SBF2: variants seen among roughly 807,000 people sequenced by gnomAD.
SBF2 encodes myotubularin-related protein 13.
A neutral mutation model predicts 225.2 loss-of-function variants in SBF2; 112 were observed. The ratio of observed to expected loss-of-function variants is 0.50; its 90% confidence interval spans 0.43 to 0.58. The LOEUF is 0.58. Ranked by LOEUF, SBF2 falls within the 20% of genes least tolerant of loss-of-function variation. SBF2 has a pLI of 0.00. For missense variants in SBF2, 1,996 were observed against 2,206.2 expected, an observed-to-expected ratio of 0.90 and a Z score of 1.91; for synonymous variants, 763 against 773.3, an observed-to-expected ratio of 0.99 and a Z score of 0.22.
At chr11:10,060,322 T>C (rs1223712386) in intron 2 of SBF2, among the ~76,000 whole-genome samples, 2 of 152,086 alleles carry the variant, frequency 1.3e-5, no homozygotes, top group African/African-American at 4.8e-5. Flanking sequence ...CTCCCAAGAC[T>C]AAGCCAGGAA....
intron 3 of SBF2, among the ~76,000 whole-genome samples, chr11:10,038,824 T>C (rs764023306): frequency 1.1e-4 from 17 of 151,830 alleles, no homozygotes; most frequent in Non-Finnish European, 1.9e-4. Context: ...TATATAAACA[T>C]ATGAAATAAC....
chr11:10,193,976 C>G lies in SBF2; in HGVS notation c.67G>C (p.Gly23Arg). 1 of 1,608,624 alleles carries G rather than the reference C, an allele frequency of 6.2e-7. No individual in the cohort carries two copies. The highest frequency in any genetic ancestry group is 8.5e-7 in the Non-Finnish European group (1 of 1,175,102). ...YDHEKPGSGE[G>R]LGKIIQRFPQ... ...AATCTCTGGATTATTTTCCCCAGAC[C>G]TTCTCCTGATCCTGTTAATAAAATC... The change falls in exon 2 of 40, where the codon GGT (glycine) becomes CGT (arginine). Residue 23 changes from glycine to arginine, a missense_variant. Coordinates refer to ENST00000256190, the MANE Select transcript of SBF2 (RefSeq NM_030962.4).
Position 9,994,394 on chromosome 11 carries a change from G to A in SBF2, c.976-396C>T, listed in dbSNP as rs1947583112. On this transcript the variant is annotated intron_variant, in intron 9 of 39. Transcript: ENST00000256190. ...GGAGGCTGAGGCAGGAGAATGGCGT[G>A]AACCCGGGAGGCGGAGCTTGCAGTG... 3.3e-5 allele frequency among the ~76,000 whole-genome samples: 5 copies of A among 151,020 alleles called. No homozygotes were observed. In the South Asian group the frequency reaches 1.0e-3, roughly 31 times the overall value.
chr11:10,119,258 C>T (rs557635151), intron 2 of SBF2, among the ~76,000 whole-genome samples: 12 of 152,082 alleles, frequency 7.9e-5, no homozygotes, highest in African/African-American at 2.4e-4. Flanking sequence ...CTTCCTGTTC[C>T]GCTTGTTTTT....
chr11:10,096,170 G>C (rs1952011384), intron 2 of SBF2, among the ~76,000 whole-genome samples: 1 of 152,184 alleles, frequency 6.6e-6, no homozygotes, highest in South Asian at 2.1e-4. Context: ...TGGCTAAATA[G>C]ATGCTAGAGG....
rs35385980 is a variant in SBF2 at position 10,303,752 on chromosome 11, A to C, written n.386+740T>G. ...AGGACATTCGATTAGAGGAGTGGTT[A>C]GTAGGACCCCAGAAACCCACAAGCA... On this transcript the variant is annotated intron_variant and non_coding_transcript_variant, in intron 1 of 5. Coordinates refer to the SBF2 transcript ENST00000685217. The surrounding 1 kb of genome is among the most constrained non-coding windows in gnomAD (Gnocchi z 5.2). The C allele has an allele frequency of 1.3e-5, 2 of 152,386 alleles. No individual in the cohort carries two copies. Among genetic ancestry groups the C allele is most frequent in the Non-Finnish European group, 2.9e-5 (2 of 68,088 alleles). 9.4% of individuals were successfully genotyped at this position (152,386 alleles called of 1,614,324 possible).
chr11:9,818,342 G>A (rs982536506), intron 28 of SBF2, among the ~76,000 whole-genome samples: 1 of 152,190 alleles, frequency 6.6e-6, no homozygotes, highest in African/African-American at 2.4e-5. Flanking sequence ...AAAAATCAAG[G>A]ATTTCTATAT....
At chr11:10,076,091 G>A (rs967129615) in intron 2 of SBF2, among the ~76,000 whole-genome samples, 8 of 152,188 alleles carry the variant, frequency 5.3e-5, no homozygotes, top group African/African-American at 1.9e-4. Context: ...GCTACGCTGT[G>A]GATCTGTGGT....
intron 2 of SBF2, among the ~76,000 whole-genome samples, chr11:10,079,190 G>C (rs375924005): frequency 1.3e-5 from 2 of 152,056 alleles, no homozygotes; most frequent in Non-Finnish European, 2.9e-5. Context: ...AAGAAACGCC[G>C]TAATTCTATA....
At chr11:10,049,077 T>A (rs1413487418) in intron 2 of SBF2, among the ~76,000 whole-genome samples, 1 of 152,238 alleles carries the variant, frequency 6.6e-6, no homozygotes, top group African/African-American at 2.4e-5. Flanking sequence ...TTTCTTCATA[T>A]ACTTCAACCA....
intron 17 of SBF2, among the ~76,000 whole-genome samples, chr11:9,872,530 T>C (rs746486257): frequency 3.3e-5 from 5 of 152,122 alleles, no homozygotes; most frequent in African/African-American, 7.2e-5. Context: ...AGATGATATA[T>C]TGATAGCAAA....
chr11:9,939,157 G>A (rs1175629656), intron 16 of SBF2, among the ~76,000 whole-genome samples: 1 of 152,056 alleles, frequency 6.6e-6, no homozygotes, highest in Non-Finnish European at 1.5e-5. Context: ...GTGCAGTGGT[G>A]CGATCTCGGC....
chr11:9,841,224 T>G (rs1856113775), intron 25 of SBF2, among the ~76,000 whole-genome samples: 1 of 152,200 alleles, frequency 6.6e-6, no homozygotes, highest in East Asian at 1.9e-4. Flanking sequence ...CAATTCTGTG[T>G]TGGCCTTTAA....
chr11:10,244,607 G>A (rs1455740196), intron 1 of SBF2, among the ~76,000 whole-genome samples: 3 of 151,942 alleles, frequency 2.0e-5, no homozygotes, highest in Non-Finnish European at 4.4e-5. Context: ...ATCTTTTTTG[G>A]TACCATACGA....
In SBF2 at chr11:10,231,324, C is replaced by T. The variant is rs11042681; in HGVS notation, c.56-37337G>A. Among the ~76,000 whole-genome samples the T allele has an allele frequency of 3.9e-3, 595 of 152,316 alleles. 5 individuals carry two copies. The highest frequency in any genetic ancestry group is 6.4e-3 in the Non-Finnish European group (433 of 68,020). On this transcript the variant is annotated intron_variant, in intron 1 of 39. Coordinates refer to ENST00000256190, the MANE Select transcript of SBF2 (RefSeq NM_030962.4). ...CTCTCAACTCGTCAAAGTCATTCTC[C>T]GTCCAGCTGTGTTCCGTTGCTGGTG...
chr11:10,086,715 C>T (rs1378393581), intron 2 of SBF2, among the ~76,000 whole-genome samples: 3 of 152,170 alleles, frequency 2.0e-5, no homozygotes, highest in Admixed American at 6.5e-5. Flanking sequence ...GCAGAGATAA[C>T]AGAGTGAAAT....
At chr11:10,084,881 G>A (rs866393808) in intron 2 of SBF2, among the ~76,000 whole-genome samples, 2 of 152,300 alleles carry the variant, frequency 1.3e-5, no homozygotes, top group Middle Eastern at 3.4e-3. Context: ...CTAAAAATGT[G>A]TTCACATGGA....
At chr11:10,079,532 C>T (rs763514069) in intron 2 of SBF2, among the ~76,000 whole-genome samples, 2 of 152,124 alleles carry the variant, frequency 1.3e-5, no homozygotes, top group African/African-American at 2.4e-5. Flanking sequence ...CAAATTAATC[C>T]AGTTAGACAA....
chr11:9,938,060 G>A (rs552302018), intron 16 of SBF2, among the ~76,000 whole-genome samples: 3 of 151,616 alleles, frequency 2.0e-5, no homozygotes, highest in Admixed American at 2.0e-4. Context: ...TGGGGGCCAA[G>A]GCGGGCGGAT....
Sources: allele counts gnomAD v4.1 joint callset (sites outside exome capture counted in the v4.1 genomes callset), GRCh38; gene constraint gnomAD v4.1.1; non-coding constraint Gnocchi (gnomAD v3.1); transcripts MANE v1.5; gene names NCBI Gene and HGNC (gene_info 2026-07-23, HGNC 2026-07-21).